DACH2: variants seen among roughly 807,000 people sequenced by gnomAD.
The protein encoded by DACH2 is dachshund family transcription factor 2, also known as dachshund homolog 2.
A neutral mutation model predicts 35.8 loss-of-function variants in DACH2; 17 were observed. That is an observed-to-expected ratio of 0.48 (90% CI 0.33 to 0.71). The LOEUF (loss-of-function observed/expected upper bound fraction) is 0.71. DACH2 is among the 30% of genes least tolerant of loss of function. DACH2 has a pLI of 0.02. For missense variants in DACH2, 469 were observed against 472.7 expected (o/e 0.99, Z 0.07); for synonymous variants, 195 against 177.3 (o/e 1.10, Z -0.79).
At chrX:86,367,267 C>T (rs2035819610) in intron 1 of DACH2, among the ~76,000 whole-genome samples, 1 of 111,505 alleles carries the variant, frequency 9.0e-6, no homozygotes, top group African/African-American at 3.3e-5. Flanking sequence ...CTCAGCTTTT[C>T]AAGACCATTT....
At chrX:86,655,959 T>C (rs2040533873) in intron 4 of DACH2, among the ~76,000 whole-genome samples, 1 of 110,633 alleles carries the variant, frequency 9.0e-6, no homozygotes. Context: ...CTCAATTGTG[T>C]TGAGTGCCTC....
At chrX:86,822,956 AT>A (rs200499701) in intron 11 of DACH2, among the ~76,000 whole-genome samples, 5 of 110,208 alleles carry the variant, frequency 4.5e-5, no homozygotes, top group South Asian at 3.8e-4. Flanking sequence ...TTTACATTTT[AT>A]TTTTTTTTAT....
At chrX:86,544,881 A>G (rs1392341061) in intron 3 of DACH2, among the ~76,000 whole-genome samples, 1 of 112,399 alleles carries the variant, frequency 8.9e-6, no homozygotes. Context: ...TAATGATTTG[A>G]TATCTCCACC....
In DACH2 at chrX:86,584,594, T is replaced by C. The variant is rs754177197; in HGVS notation, c.641-66442T>C. ...CTTTTATAATATAAGCACTTAATGC[T>C]ATACTTTGGCTCTCAGCACTGCTTT... On this transcript the variant is annotated intron_variant, in intron 3 of 11. Coordinates refer to ENST00000373125, the MANE Select transcript of DACH2 (RefSeq NM_053281.3). 1.8e-4 allele frequency among the ~76,000 whole-genome samples: 20 copies of C among 111,438 alleles called. No homozygotes were observed. The East Asian group carries it at 5.7e-3, about 32-fold the overall frequency.
intron 3 of DACH2, among the ~76,000 whole-genome samples, chrX:86,572,023 T>A (rs1245176148): frequency 3.6e-5 from 4 of 111,156 alleles, no homozygotes; most frequent in Admixed American, 9.6e-5. Context: ...ATAGATTTTT[T>A]AAAAAAATTC....
chrX:86,638,979 G>C (rs1351591846), intron 3 of DACH2, among the ~76,000 whole-genome samples: 1 of 111,990 alleles, frequency 8.9e-6, no homozygotes, highest in Non-Finnish European at 1.9e-5. Context: ...TGCAGCACTA[G>C]TCACGATAGC....
chrX:86,811,637 A>C (rs187495568), intron 7 of DACH2, among the ~76,000 whole-genome samples: 6 of 111,583 alleles, frequency 5.4e-5, no homozygotes, highest in Admixed American at 3.8e-4. Flanking sequence ...AGGTGCTATG[A>C]TTCACCCCAT....
At chrX:86,628,657 T>C (rs2040164449) in intron 3 of DACH2, among the ~76,000 whole-genome samples, 1 of 112,465 alleles carries the variant, frequency 8.9e-6, no homozygotes, top group African/African-American at 3.2e-5. Flanking sequence ...ACACAAAATA[T>C]CACAATGTTG....
At chrX:86,777,128 G>T (rs952520430) in intron 7 of DACH2, among the ~76,000 whole-genome samples, 2 of 111,278 alleles carry the variant, frequency 1.8e-5, no homozygotes, top group African/African-American at 6.6e-5. Context: ...GGGTCAAATG[G>T]TATTTCTAGT....
chrX:86,216,422 A>G (rs749777333), intron 1 of DACH2, among the ~76,000 whole-genome samples: 138 of 95,829 alleles, frequency 1.4e-3, no homozygotes, highest in Non-Finnish European at 2.2e-3. Flanking sequence ...TGTGCTTCTC[A>G]TTGTTCAGCT....
chrX:86,410,514 C>T (rs2036593176), intron 2 of DACH2, among the ~76,000 whole-genome samples: 1 of 111,663 alleles, frequency 9.0e-6, no homozygotes, highest in African/African-American at 3.3e-5. Flanking sequence ...TTCCAACAGT[C>T]ATCTTTCCAC....
chrX:86,508,324 C>T (rs1251737808), intron 2 of DACH2, among the ~76,000 whole-genome samples: 1 of 110,539 alleles, frequency 9.0e-6, no homozygotes, highest in African/African-American at 3.3e-5. Context: ...TTTGGGAGGC[C>T]GAGGCGGGCG....
intron 5 of DACH2, among the ~76,000 whole-genome samples, chrX:86,706,589 C>A (rs2041219381): frequency 9.1e-6 from 1 of 109,894 alleles, no homozygotes; most frequent in Non-Finnish European, 1.9e-5. Context: ...AGGACACATT[C>A]TGGGCCATAA....
intron 1 of DACH2, among the ~76,000 whole-genome samples, chrX:86,227,273 G>A (rs866747250): frequency 2.8e-5 from 3 of 106,012 alleles, no homozygotes; most frequent in Non-Finnish European, 4.0e-5. Flanking sequence ...TACCGATTAG[G>A]GATACATGAA....
chrX:86,297,489 T>C (rs1480517861), intron 1 of DACH2, among the ~76,000 whole-genome samples: 5 of 111,926 alleles, frequency 4.5e-5, no homozygotes, highest in African/African-American at 1.6e-4. Context: ...ATGTGGAACA[T>C]TTTAGAAGCC....
At chrX:86,504,265 C>A (rs1167233535) in intron 2 of DACH2, among the ~76,000 whole-genome samples, 1 of 110,630 alleles carries the variant, frequency 9.0e-6, no homozygotes, top group Non-Finnish European at 1.9e-5. Flanking sequence ...TAGGTAAATT[C>A]AAGCAGCATT....
Position 86,235,656 on chromosome X carries a change from C to A in DACH2, c.488+86548C>A, listed in dbSNP as rs138829631. Among the ~76,000 whole-genome samples, 840 of 111,968 alleles carry A rather than the reference C, an allele frequency of 7.5e-3. 7 individuals are homozygous for A. The highest frequency in any genetic ancestry group is 0.025 in the African/African-American group (759 of 30,794). ...CAATGTACAAAAACTTTGTTTCATGCACAAAATTATTTAAAATACTCTAGA... is the reference window on the plus strand; with the variant it reads ...CAATGTACAAAAACTTTGTTTCATGAACAAAATTATTTAAAATACTCTAGA... On this transcript the variant is annotated intron_variant, in intron 1 of 11. Transcript: ENST00000373125.
chrX:86,429,686 G>A (rs752246441), intron 2 of DACH2, among the ~76,000 whole-genome samples: 3 of 109,688 alleles, frequency 2.7e-5, no homozygotes, highest in East Asian at 2.9e-4. Flanking sequence ...TTAGCCTCCC[G>A]AGTAGCTGGG....
At chrX:86,768,383 C>T (rs976691600) in intron 7 of DACH2, among the ~76,000 whole-genome samples, 4 of 111,525 alleles carry the variant, frequency 3.6e-5, no homozygotes, top group African/African-American at 9.8e-5. Flanking sequence ...AATTAAGAAT[C>T]GGCTTTATAA....
Sources: allele counts gnomAD v4.1 joint callset (sites outside exome capture counted in the v4.1 genomes callset), GRCh38; gene constraint gnomAD v4.1.1; transcripts MANE v1.5; gene names NCBI Gene and HGNC (gene_info 2026-07-23, HGNC 2026-07-21).